SEMA5B: variants seen among roughly 807,000 people sequenced by gnomAD.
The protein encoded by SEMA5B is semaphorin-5B.
SEMA5B carries 66 observed loss-of-function variants against 135.0 expected under a neutral mutation model. The observed-to-expected ratio is 0.49, with a 90% CI of 0.40 to 0.60. The LOEUF is 0.60. Ranked by LOEUF, SEMA5B falls within the 20% of genes least tolerant of loss-of-function variation. SEMA5B has a pLI of 0.00. For synonymous variants in SEMA5B, 690 were observed against 639.5 expected (o/e 1.08, Z -1.19); for missense variants, 1,501 against 1,566.3 (o/e 0.96, Z 0.70).
chr3:122,913,375 G>A lies in SEMA5B; in HGVS notation c.2330C>T (p.Thr777Ile). Reference protein sequence around the residue: ...PEGCPEVRRNTPWTPWLPVNV... With the variant: ...PEGCPEVRRNIPWTPWLPVNV... Reference sequence around the variant, plus strand: ...CACGGGCAGCCACGGCGTCCAGGGGGTGTTGCGCCGCACTTCGGGGCAGCC... The same window carrying A: ...CACGGGCAGCCACGGCGTCCAGGGGATGTTGCGCCGCACTTCGGGGCAGCC... The change falls in exon 17 of 23, where the codon ACC becomes ATC. Residue 777 changes from threonine (T) to isoleucine (I), a missense_variant. Thr to Ile is a moderately conservative substitution (Grantham distance 89). This residue lies in a region of SEMA5B where 927 missense variants were observed against 881.6 expected (regional missense o/e 1.05). Transcript: ENST00000357599. The A allele has an allele frequency of 2.5e-6, 4 of 1,581,448 alleles. No individual in the cohort carries two copies. Among genetic ancestry groups the A allele is most frequent in the Non-Finnish European group, 3.4e-6 (4 of 1,169,292 alleles).
chr3:122,968,802 C>G (rs1280042890), intron 1 of SEMA5B, among the ~76,000 whole-genome samples: 1 of 150,708 alleles, frequency 6.6e-6, no homozygotes, highest in African/African-American at 2.5e-5. Flanking sequence ...ATTCTTACAT[C>G]TTTTCTGCCA....
chr3:122,958,269 C>T (rs1218604517), intron 2 of SEMA5B: 1 of 152,312 alleles, frequency 6.6e-6, no homozygotes, highest in East Asian at 1.9e-4. Flanking sequence ...GTCCTCTTCC[C>T]CAGGTCCCCT....
chr3:122,913,567 G>A lies in SEMA5B; in HGVS notation c.2247C>T (p.Cys749=), dbSNP rs1313076608. ...AGCCCAGGCAGGAGTTGCCGTTCTC[G>A]CAGGCCCGACGCCGCGACTGCATGC... is the stretch of plus-strand genomic sequence containing the variant. ...GGGMQSRRRA[C]ENGNSCLGCG... is the part of the protein sequence containing the mutation. Residue 749 remains cysteine (C), a synonymous_variant, in exon 16 of 23, where the codon TGC becomes TGT. Coordinates refer to ENST00000357599, the MANE Select transcript of SEMA5B (RefSeq NM_001031702.4). 2 of 1,612,776 alleles carry A rather than the reference G, an allele frequency of 1.2e-6. No individual in the cohort carries two copies. The highest frequency in any genetic ancestry group is 2.2e-5 in the East Asian group (1 of 44,854).
intron 1 of SEMA5B, chr3:122,992,919 C>T (rs1052007315): frequency 1.3e-5 from 2 of 149,678 alleles, no homozygotes. Flanking sequence ...CACTCCTTGC[C>T]CCCAGCGACA....
At chr3:122,977,183 C>A (rs559253702) in intron 1 of SEMA5B, among the ~76,000 whole-genome samples, 1 of 152,200 alleles carries the variant, frequency 6.6e-6, no homozygotes, top group Non-Finnish European at 1.5e-5. Flanking sequence ...GCCTACTATG[C>A]CTTCCTGTCC....
At chr3:122,936,194 T>C (rs982793258) in intron 5 of SEMA5B, among the ~76,000 whole-genome samples, 5 of 152,180 alleles carry the variant, frequency 3.3e-5, no homozygotes, top group African/African-American at 4.8e-5. Flanking sequence ...AATTCCAGGA[T>C]GATCTCTAGT....
In SEMA5B at chr3:122,939,411, G is replaced by A. The variant is rs1273223174; in HGVS notation, c.474+14C>T. On this transcript the variant is annotated intron_variant, in intron 5 of 22. Coordinates refer to ENST00000357599, the MANE Select transcript of SEMA5B (RefSeq NM_001031702.4). ...GGGAAATTATAGGAAGGGAAGGGAA[G>A]AAAGCAATCGTACCTGAAGAAGAGA... The A allele has an allele frequency of 1.2e-6, 2 of 1,601,970 alleles. No homozygotes were observed. Among genetic ancestry groups the A allele is most frequent in the African/African-American group, 2.7e-5 (2 of 74,666 alleles).
intron 1 of SEMA5B, chr3:122,993,077 G>A (rs1941926004): frequency 1.3e-5 from 2 of 152,242 alleles, no homozygotes; most frequent in Admixed American, 1.3e-4. Context: ...TGCTCCCAGG[G>A]AGAAAACAAC....
chr3:123,027,836 G>C (rs1440783473), upstream of SEMA5B: 1 of 152,318 alleles, frequency 6.6e-6, no homozygotes, highest in African/African-American at 2.4e-5. Context: ...GAGAAGGAGG[G>C]GAGCGGGAGC....
intron 1 of SEMA5B, among the ~76,000 whole-genome samples, chr3:122,968,017 C>T (rs767681444): frequency 5.9e-5 from 9 of 152,370 alleles, no homozygotes; most frequent in South Asian, 2.1e-4. Flanking sequence ...ACGTGTTCCA[C>T]GCTCTCCTGA....
intron 1 of SEMA5B, among the ~76,000 whole-genome samples, chr3:122,971,814 C>A (rs998357395): frequency 1.7e-4 from 26 of 152,252 alleles, no homozygotes; most frequent in Non-Finnish European, 2.9e-5. Flanking sequence ...ATGTCAGCCA[C>A]TCCTGAACTC....
chr3:122,987,801 T>C (rs1265266687), intron 1 of SEMA5B, among the ~76,000 whole-genome samples: 1 of 152,090 alleles, frequency 6.6e-6, no homozygotes, highest in Non-Finnish European at 1.5e-5. Flanking sequence ...TCTGGAAAAA[T>C]CAGGACATAA....
intron 22 of SEMA5B, among the ~76,000 whole-genome samples, chr3:122,910,547 C>T (rs1937631022): frequency 6.6e-6 from 1 of 152,144 alleles, no homozygotes; most frequent in African/African-American, 2.4e-5. Context: ...CGGTGGCTCA[C>T]GCCTGTAATC....
chr3:123,006,526 C>A (rs538258823), intron 1 of SEMA5B, among the ~76,000 whole-genome samples: 1 of 152,218 alleles, frequency 6.6e-6, no homozygotes, highest in African/African-American at 2.4e-5. Flanking sequence ...TTTTAAACAA[C>A]AACCTTCTAA....
intron 3 of SEMA5B, among the ~76,000 whole-genome samples, chr3:122,947,543 C>T (rs561946288): frequency 3.0e-4 from 46 of 152,320 alleles, no homozygotes; most frequent in Non-Finnish European, 5.9e-4. Context: ...CATAGAGCAA[C>T]GGATCGCTCT....
intron 1 of SEMA5B, among the ~76,000 whole-genome samples, chr3:122,982,696 C>G (rs975179335): frequency 1.3e-5 from 2 of 152,176 alleles, no homozygotes; most frequent in Non-Finnish European, 2.9e-5. Flanking sequence ...CACCACCCCC[C>G]ACCCCCCAGG....
chr3:122,983,348 A>C (rs1018813018), intron 1 of SEMA5B, among the ~76,000 whole-genome samples: 2 of 151,864 alleles, frequency 1.3e-5, no homozygotes, highest in Non-Finnish European at 2.9e-5. Context: ...ATCTTTTTGC[A>C]GTCTAACTTA....
intron 1 of SEMA5B, among the ~76,000 whole-genome samples, chr3:122,997,648 C>T (rs1325064155): frequency 6.6e-6 from 1 of 152,220 alleles, no homozygotes; most frequent in Non-Finnish European, 1.5e-5. Context: ...TGCTTGCTCC[C>T]TCCCTTCCTT....
rs775366922 is a variant in SEMA5B, at chr3:122,915,539, C to G, written c.1889G>C (p.Gly630Ala). Residue 630 changes from glycine (G) to alanine (A), a missense_variant, in exon 14 of 23, where the codon GGC becomes GCC. Transcript: ENST00000357599. The stretch of plus-strand genomic sequence containing the variant: ...GGATCGAGCTCGACACAGGCAAGAG[C>G]CTGAGTTGTCCCCATCCAAGTGCTC... ...PCEHLDGDNSGSCLCRARSCD... is the reference protein window; with the variant it reads ...PCEHLDGDNSASCLCRARSCD... 1.2e-6 allele frequency: 2 copies of G among 1,614,114 alleles called. No individual in the cohort carries two copies. The highest frequency in any genetic ancestry group is 2.2e-5 in the South Asian group (2 of 91,078).
Sources: allele counts gnomAD v4.1 joint callset (sites outside exome capture counted in the v4.1 genomes callset), GRCh38; gene constraint gnomAD v4.1.1; regional missense constraint gnomAD v4.1.1; transcripts MANE v1.5; gene names NCBI Gene and HGNC (gene_info 2026-07-23, HGNC 2026-07-21).